The following FNBP4 variants were observed in gnomAD, a reference collection of about 807,000 sequenced individuals.
FNBP4 encodes the protein formin-binding protein 4.
FNBP4 carries 34 observed loss-of-function variants against 119.3 expected under a neutral mutation model. The observed-to-expected ratio is 0.28, with a 90% CI of 0.22 to 0.38. The LOEUF is 0.38. FNBP4 is among the 10% of genes least tolerant of loss of function. The pLI is 1.00. For missense variants in FNBP4, 1,112 were observed against 1,228.9 expected, an observed-to-expected ratio of 0.90 and a Z score of 1.42; for synonymous variants, 462 against 430.6, an observed-to-expected ratio of 1.07 and a Z score of -0.90.
intron 1 of FNBP4, 44 bp from the exon 2 acceptor site, chr11:47,765,406 AAAG>A (rs1565172692): frequency 2.2e-6 from 3 of 1,377,406 alleles, no homozygotes; most frequent in Admixed American, 2.1e-5. Context: ...AAAGAAAAGA[AAAG>A]AAAAGAAAAC....
In FNBP4 at chr11:47,765,318, G is replaced by C; in HGVS notation, c.265C>G (p.Pro89Ala). 1 of 1,611,322 alleles carries C rather than the reference G, an allele frequency of 6.2e-7. No homozygotes were observed. Among genetic ancestry groups the C allele is most frequent in the Admixed American group, 1.7e-5 (1 of 59,582 alleles). ...CTAGTGGTCATGACTGGTTTTGGAG[G>C]ATTCTGAACAACTCTAGGAACCTCC... Reference protein sequence around the residue: ...VQEVPRVVQNPPKPVMTTRPT... With the variant: ...VQEVPRVVQNAPKPVMTTRPT... Residue 89 changes from proline to alanine, a missense_variant, in exon 2 of 17, where the codon CCT becomes GCT. By Grantham distance (27) the Pro-to-Ala change is conservative (BLOSUM62 -1). Coordinates refer to ENST00000263773, the MANE Select transcript of FNBP4 (RefSeq NM_015308.5).
At chr11:47,734,203 A>C in intron 9 of FNBP4, 74 bp from the exon 10 acceptor site, 1 of 769,490 alleles carries the variant, frequency 1.3e-6, no homozygotes, top group Non-Finnish European at 2.0e-6. Context: ...TCCTTCATTT[A>C]TTCTTATAGA....
intron 2 of FNBP4, among the ~76,000 whole-genome samples, chr11:47,762,022 G>C (rs988585996): frequency 3.4e-4 from 52 of 151,880 alleles, no homozygotes; most frequent in African/African-American, 1.2e-3. Context: ...ATTTTTAGTA[G>C]AGACGGGGTT....
chr11:47,759,140 G>A (rs534267666), intron 2 of FNBP4, among the ~76,000 whole-genome samples: 154 of 151,858 alleles, frequency 1.0e-3, no homozygotes, highest in Non-Finnish European at 1.8e-3. Context: ...CGCTGGTCTC[G>A]AACTCCTGAC....
At chr11:47,751,548 A>G (rs1437684912) in intron 4 of FNBP4, among the ~76,000 whole-genome samples, 4 of 152,042 alleles carry the variant, frequency 2.6e-5, no homozygotes, top group African/African-American at 9.7e-5. Context: ...GACATTGTCA[A>G]ATATCCCCTA....
chr11:47,716,922 A>T lies in FNBP4; in HGVS notation c.*500T>A, dbSNP rs1231241934. ...AGAACTTATGAGAACTACTCTAAAG[A>T]GTGTGGCCATCTATCAGCACGAGGT... On this transcript the variant is annotated 3_prime_UTR_variant, in exon 17 of 17. Coordinates refer to ENST00000263773, the MANE Select transcript of FNBP4 (RefSeq NM_015308.5). 1 of 153,470 alleles carries T rather than the reference A, an allele frequency of 6.5e-6. No individual in the cohort carries two copies. Among genetic ancestry groups the T allele is most frequent in the Non-Finnish European group, 1.5e-5 (1 of 68,682 alleles). 9.5% of individuals were successfully genotyped at this position (153,470 alleles called of 1,614,324 possible).
chr11:47,719,472 A>G (rs965788888), intron 16 of FNBP4, among the ~76,000 whole-genome samples: 7 of 152,148 alleles, frequency 4.6e-5, no homozygotes, highest in Admixed American at 2.0e-4. Flanking sequence ...CAGGGGAAAA[A>G]CTTTATTCTA....
Position 47,719,832 on chromosome 11 carries a change from T to C in FNBP4, c.2963+97A>G, listed in dbSNP as rs115507048. On this transcript the variant is annotated intron_variant, in intron 16 of 16. Transcript: ENST00000263773. The stretch of plus-strand genomic sequence containing the variant: ...AGCTGTGATTTTAAGAATATGTCTA[T>C]TCTAATGCATCTATAACAACCACAA... The C allele has an allele frequency of 1.5e-3, 1,927 of 1,278,116 alleles. 27 individuals are homozygous for C. In the African/African-American group the frequency reaches 0.026, roughly 17 times the overall value. 79.2% of individuals were successfully genotyped at this position (1,278,116 alleles called of 1,614,324 possible).
chr11:47,718,432 T>A (rs754079699), intron 16 of FNBP4, among the ~76,000 whole-genome samples: 8 of 151,920 alleles, frequency 5.3e-5, no homozygotes, highest in Non-Finnish European at 1.2e-4. Context: ...CAGGCTGGTC[T>A]CGAACTCCTG....
Position 47,767,213 on chromosome 11 carries a change from T to C in FNBP4, c.76A>G (p.Thr26Ala), listed in dbSNP as rs2097649615. 27 of 1,566,896 alleles carry C rather than the reference T, an allele frequency of 1.7e-5. No individual in the cohort carries two copies. The highest frequency in any genetic ancestry group is 2.7e-5 in the African/African-American group (2 of 72,896). ...TCCGGCTCCGGGTCCCGGCCCGGCG[T>C]GCTGCCCCGAGGACCCGGCGGAGAG... ...QLSPPGPRGS[T>A]PGRDPEPEPD... Residue 26 changes from threonine (T) to alanine (A), a missense_variant, in exon 1 of 17, where the codon ACG becomes GCG. Around this residue, in one of 2 missense-constraint regions of FNBP4, gnomAD observed 286 missense variants for 240.1 expected, o/e 1.19. Transcript: ENST00000263773.
intron 8 of FNBP4, among the ~76,000 whole-genome samples, chr11:47,741,451 T>C (rs1432827607): frequency 6.6e-6 from 1 of 151,786 alleles, no homozygotes; most frequent in Non-Finnish European, 1.5e-5. Flanking sequence ...ATTGTTTCTA[T>C]GATTAAGCCA....
intron 15 of FNBP4, 26 bp downstream of exon 15, chr11:47,722,949 AT>A (rs2097557446): frequency 1.4e-6 from 2 of 1,469,298 alleles, no homozygotes; most frequent in African/African-American, 2.9e-5. Context: ...TTAAAAATAA[AT>A]TTTTAAAAAG....
chr11:47,731,345 C>T (rs755631455), intron 12 of FNBP4, 29 bp downstream of exon 12: 3 of 1,532,462 alleles, frequency 2.0e-6, no homozygotes, highest in Non-Finnish European at 2.6e-6. Context: ...GTCATTTTGG[C>T]TGAATTAGTA....
chr11:47,736,567 T>C (rs1163058896), intron 9 of FNBP4, 49 bp downstream of exon 9: 1 of 1,442,282 alleles, frequency 6.9e-7, no homozygotes, highest in Admixed American at 2.1e-5. Flanking sequence ...CTCAAAATAA[T>C]GATAATAATA....
chr11:47,721,251 CAAAAATAAATAAATAAATAAAT>C (rs906745200), intron 15 of FNBP4, among the ~76,000 whole-genome samples: 2 of 149,748 alleles, frequency 1.3e-5, no homozygotes, highest in African/African-American at 4.9e-5. Context: ...GACTCCATCT[CAAAAATAAATAAATAAATAAAT>C]AAAAATAAAT....
intron 2 of FNBP4, among the ~76,000 whole-genome samples, chr11:47,761,694 G>A (rs1169940333): frequency 2.0e-5 from 3 of 151,496 alleles, no homozygotes; most frequent in Non-Finnish European, 4.4e-5. Context: ...AAGGAAGGAG[G>A]ATCACTTGAG....
chr11:47,762,896 ACT>A (rs2097638816), intron 2 of FNBP4, among the ~76,000 whole-genome samples: 1 of 106,284 alleles, frequency 9.4e-6, no homozygotes, highest in Non-Finnish European at 1.8e-5. Context: ...GGCAACAGAG[ACT>A]CTGATTCCAA....
At chr11:47,737,743 A>C (rs986488660) in intron 8 of FNBP4, among the ~76,000 whole-genome samples, 4 of 145,926 alleles carry the variant, frequency 2.7e-5, no homozygotes, top group African/African-American at 7.7e-5. Context: ...CCCAGGCTGC[A>C]TCATAATTTT....
chr11:47,757,832 T>C (rs536469627), intron 2 of FNBP4, among the ~76,000 whole-genome samples: 2 of 131,344 alleles, frequency 1.5e-5, no homozygotes, highest in South Asian at 2.9e-4. Flanking sequence ...TGTTTATGTA[T>C]ATATGTAAGA....
Sources: allele counts gnomAD v4.1 joint callset (sites outside exome capture counted in the v4.1 genomes callset), GRCh38; gene constraint gnomAD v4.1.1; regional missense constraint gnomAD v4.1.1; transcripts MANE v1.5; gene names NCBI Gene and HGNC (gene_info 2026-07-23, HGNC 2026-07-21).